The following PRKG1 variants were observed in gnomAD, a reference collection of about 807,000 sequenced individuals.
The protein encoded by PRKG1 is protein kinase cGMP-dependent 1, also known as cGMP-dependent protein kinase 1.
PRKG1 carries 35 observed loss-of-function variants against 88.1 expected under a neutral mutation model. The ratio of observed to expected loss-of-function variants is 0.40; its 90% confidence interval spans 0.30 to 0.53. PRKG1 has a LOEUF of 0.53. Among genes scored for constraint, PRKG1 ranks in the 20% least tolerant of loss-of-function variants. The pLI is 0.59. For synonymous variants in PRKG1, 303 were observed against 292.5 expected (o/e 1.04, Z -0.37); for missense variants, 540 against 839.8 (o/e 0.64, Z 4.41).
At chr10:51,735,930 CTTTTTTTTTTT>C (rs1180307253) in intron 3 of PRKG1, among the ~76,000 whole-genome samples, 1 of 74,952 alleles carries the variant, frequency 1.3e-5, no homozygotes, top group Non-Finnish European at 2.6e-5. Context: ...TTTAAGTTGT[CTTTTTTTTTTT>C]TTTTTTTTTT....
chr10:51,474,755 A>G, intron 3 of PRKG1, among the ~76,000 whole-genome samples: 1 of 152,014 alleles, frequency 6.6e-6, no homozygotes, highest in African/African-American at 2.4e-5. Context: ...AACAAAATAA[A>G]AGGATAAGCT....
At chr10:51,888,820 C>A (rs898403981) in intron 4 of PRKG1, among the ~76,000 whole-genome samples, 1 of 152,042 alleles carries the variant, frequency 6.6e-6, no homozygotes, top group Non-Finnish European at 1.5e-5. Flanking sequence ...AAGAAATAAT[C>A]TAAAGAATTA....
At position 51,202,440 on chromosome 10, in the gene PRKG1, C is replaced by T. The variant is rs554162607; in HGVS notation, c.478+49110C>T. 1.8e-3 allele frequency among the ~76,000 whole-genome samples: 268 copies of T among 152,230 alleles called. 1 individual carries two copies. The highest frequency in any genetic ancestry group is 6.1e-3 in the African/African-American group (253 of 41,524). On this transcript the variant is annotated intron_variant, in intron 2 of 17. Transcript: ENST00000373980. The stretch of plus-strand genomic sequence containing the variant: ...CCGTTCTATCCTGCTTTTCTCACTC[C>T]CCAGAAGATTTCTCCTGAGAACACT...
At chr10:51,835,825 G>A (rs564255059) in intron 4 of PRKG1, among the ~76,000 whole-genome samples, 6 of 152,228 alleles carry the variant, frequency 3.9e-5, no homozygotes, top group African/African-American at 9.6e-5. Context: ...TGTTTTCTAT[G>A]ATGGATATAG....
intron 5 of PRKG1, among the ~76,000 whole-genome samples, chr10:51,941,605 C>A (rs1842908867): frequency 7.2e-6 from 1 of 137,988 alleles, no homozygotes; most frequent in Non-Finnish European, 1.6e-5. Context: ...CCTCCTCCCT[C>A]CCCCGACCCC....
intron 4 of PRKG1, among the ~76,000 whole-genome samples, chr10:51,842,599 A>G (rs1327503221): frequency 6.6e-6 from 1 of 152,160 alleles, no homozygotes; most frequent in African/African-American, 2.4e-5. Flanking sequence ...CATGCTTTTC[A>G]TGTGAGTGGA....
intron 3 of PRKG1, among the ~76,000 whole-genome samples, chr10:51,748,592 C>G (rs1032725065): frequency 1.3e-5 from 2 of 152,148 alleles, no homozygotes; most frequent in African/African-American, 4.8e-5. Context: ...AAAGAGGACT[C>G]TCCACAAATG....
chr10:51,836,157 A>G (rs1840126054), intron 4 of PRKG1, among the ~76,000 whole-genome samples: 2 of 152,200 alleles, frequency 1.3e-5, no homozygotes, highest in Non-Finnish European at 1.5e-5. Context: ...TCAAAATAGC[A>G]TGGCACTGGC....
chr10:51,670,745 T>TA (rs1201696406), intron 3 of PRKG1, among the ~76,000 whole-genome samples: 57 of 72,488 alleles, frequency 7.9e-4, no homozygotes, highest in African/African-American at 3.0e-3. Flanking sequence ...CAAAAAAAAA[T>TA]AAATAAATAA....
At chr10:51,677,253 A>G (rs1840733594) in intron 3 of PRKG1, among the ~76,000 whole-genome samples, 1 of 152,126 alleles carries the variant, frequency 6.6e-6, no homozygotes, top group South Asian at 2.1e-4. Flanking sequence ...GTATGCATAT[A>G]CCATAAAACC....
chr10:51,612,842 T>G (rs1838946247), intron 3 of PRKG1, among the ~76,000 whole-genome samples: 1 of 152,118 alleles, frequency 6.6e-6, no homozygotes, highest in South Asian at 2.1e-4. Flanking sequence ...ATGTTGAATT[T>G]TATCAAATGA....
chr10:52,040,912 C>G (rs571603933), intron 5 of PRKG1, among the ~76,000 whole-genome samples: 1 of 139,794 alleles, frequency 7.2e-6, no homozygotes, highest in Non-Finnish European at 1.5e-5. Flanking sequence ...TCTTGGCTCA[C>G]TGCAACCTCC....
chr10:51,732,374 C>G (rs1837136174), intron 3 of PRKG1, among the ~76,000 whole-genome samples: 2 of 152,152 alleles, frequency 1.3e-5, no homozygotes, highest in African/African-American at 2.4e-5. Context: ...TAGGTCATAA[C>G]AGGTTCCATC....
At chr10:52,018,596 C>T (rs1424170353) in intron 5 of PRKG1, among the ~76,000 whole-genome samples, 1 of 152,178 alleles carries the variant, frequency 6.6e-6, no homozygotes, top group Non-Finnish European at 1.5e-5. Flanking sequence ...AGGATCTTTT[C>T]ATTTTATAAA....
Position 52,108,048 on chromosome 10 carries a change from C to T in PRKG1, c.936-25792C>T, listed in dbSNP as rs750937388. On this transcript the variant is annotated intron_variant, in intron 7 of 17. Transcript: ENST00000373980. Reference sequence around the variant, plus strand: ...ATACACACGCATGCACATATATAGACATTGGGTAAATATTTAAATATATAT... The same window carrying T: ...ATACACACGCATGCACATATATAGATATTGGGTAAATATTTAAATATATAT... Among the ~76,000 whole-genome samples, 3 of 152,072 alleles carry T rather than the reference C, an allele frequency of 2.0e-5. No individual in the cohort carries two copies. The East Asian group carries it at 5.8e-4, about 29-fold the overall frequency.
chr10:51,311,622 G>T (rs967085156), intron 2 of PRKG1, among the ~76,000 whole-genome samples: 1 of 152,192 alleles, frequency 6.6e-6, no homozygotes, highest in African/African-American at 2.4e-5. Context: ...ACAGTGAATG[G>T]CTGCTTAACC....
chr10:51,766,349 A>G (rs556939971), intron 3 of PRKG1, among the ~76,000 whole-genome samples: 5 of 152,216 alleles, frequency 3.3e-5, no homozygotes, highest in Admixed American at 1.3e-4. Context: ...TAGTTGCTCC[A>G]TATAGCTTTG....
At chr10:51,533,375 A>G (rs1842063747) in intron 3 of PRKG1, among the ~76,000 whole-genome samples, 1 of 152,226 alleles carries the variant, frequency 6.6e-6, no homozygotes, top group Non-Finnish European at 1.5e-5. Flanking sequence ...TGAAAAGATC[A>G]GATAATTTGC....
chr10:52,040,230 T>C (rs972296977), intron 5 of PRKG1, among the ~76,000 whole-genome samples: 2 of 150,940 alleles, frequency 1.3e-5, no homozygotes, highest in Admixed American at 1.3e-4. Context: ...CATGAGAAAC[T>C]GTGATCAACC....
Sources: gnomAD v4.1 joint callset for allele counts (sites outside exome capture counted in the v4.1 genomes callset) on GRCh38, gnomAD v4.1.1 for gene constraint, MANE v1.5 for transcripts, NCBI Gene and HGNC (gene_info 2026-07-23, HGNC 2026-07-21) for gene names.